Variants in PGAP1 observed in about 807,000 individuals in gnomAD.
The protein encoded by PGAP1 is GPI inositol-deacylase.
In PGAP1, 76 loss-of-function variants were observed where a neutral mutation model predicts 127.0. The ratio of observed to expected loss-of-function variants is 0.60; its 90% CI spans 0.50 to 0.72. The LOEUF (loss-of-function observed/expected upper bound fraction) is 0.72, where lower values mean the gene tolerates loss of function less well. Among genes scored for constraint, PGAP1 ranks in the 30% least tolerant of loss-of-function variants. The pLI is 0.00. For missense variants in PGAP1, 982 were observed against 1,071.3 expected (o/e 0.92, Z 1.16); for synonymous variants, 362 against 366.5 (o/e 0.99, Z 0.14).
intron 26 of PGAP1, 50 bp downstream of exon 26, chr2:196,842,671 G>A: frequency 1.1e-6 from 1 of 933,818 alleles, no homozygotes; most frequent in Non-Finnish European, 1.6e-6. Context: ...TATAAAGGGG[G>A]AAAAAGGCCA....
intron 8 of PGAP1, among the ~76,000 whole-genome samples, chr2:196,892,798 T>A (rs1475148574): frequency 3.3e-5 from 5 of 152,088 alleles, no homozygotes; most frequent in Admixed American, 2.0e-4. Context: ...GAATGAAGAA[T>A]AACTGATAAT....
chr2:196,905,086 TA>T (rs1425730910), intron 4 of PGAP1, among the ~76,000 whole-genome samples: 1 of 152,202 alleles, frequency 6.6e-6, no homozygotes, highest in Admixed American at 6.5e-5. Flanking sequence ...TTCTTGACCC[TA>T]AGAATCACTT....
chr2:196,894,529 G>A (rs947434725), intron 7 of PGAP1, among the ~76,000 whole-genome samples: 5 of 152,186 alleles, frequency 3.3e-5, no homozygotes, highest in Admixed American at 6.5e-5. Context: ...TAGGCCGGGC[G>A]CAGTGGCTCA....
At chr2:196,887,845 CAAT>C (rs777975627) in intron 10 of PGAP1, among the ~76,000 whole-genome samples, 1 of 152,166 alleles carries the variant, frequency 6.6e-6, no homozygotes, top group Non-Finnish European at 1.5e-5. Context: ...CTTCCCAGAA[CAAT>C]AATGTGACAT....
In PGAP1 at chr2:196,872,434, A is replaced by C; in HGVS notation, c.1728+7T>G. On this transcript the variant is annotated splice_region_variant and intron_variant, in intron 18 of 26. Coordinates refer to ENST00000354764, the MANE Select transcript of PGAP1 (RefSeq NM_024989.4). ...AATCTTAAAAATTAATCAAACATAC[A>C]ACTTACCTCGTACCGACAGTCTGAT... is the stretch of plus-strand genomic sequence containing the variant. 6.4e-7 allele frequency: 1 copy of C among 1,568,908 alleles called. No homozygotes were observed.
At chr2:196,894,715 T>C (rs951133155) in intron 7 of PGAP1, among the ~76,000 whole-genome samples, 2 of 152,088 alleles carry the variant, frequency 1.3e-5, no homozygotes, top group Non-Finnish European at 2.9e-5. Flanking sequence ...GGCAGAAGAA[T>C]GGCATGAACC....
At chr2:196,858,334 A>G (rs377080388) in intron 20 of PGAP1, among the ~76,000 whole-genome samples, 4 of 152,010 alleles carry the variant, frequency 2.6e-5, no homozygotes, top group African/African-American at 9.7e-5. Context: ...CCAGGGAGAC[A>G]GAGCTTGCAG....
chr2:196,903,302 GC>G (rs1479937951), intron 4 of PGAP1, among the ~76,000 whole-genome samples: 2 of 151,254 alleles, frequency 1.3e-5, no homozygotes, highest in East Asian at 3.9e-4. Context: ...CAGTATCCCA[GC>G]TTAAAAAGGC....
intron 2 of PGAP1, among the ~76,000 whole-genome samples, 155 bp downstream of exon 2, chr2:196,919,842 A>G (rs1271751540): frequency 6.6e-6 from 1 of 152,180 alleles, no homozygotes; most frequent in Non-Finnish European, 1.5e-5. Context: ...TCTCTCAGAG[A>G]AAATATTATA....
intron 23 of PGAP1, among the ~76,000 whole-genome samples, chr2:196,845,198 A>C (rs865904049): frequency 6.6e-6 from 1 of 151,946 alleles, no homozygotes; most frequent in East Asian, 1.9e-4. Context: ...GAAGCATATA[A>C]ATTTCCTTTG....
intron 10 of PGAP1, among the ~76,000 whole-genome samples, chr2:196,889,090 A>G (rs1576159877): frequency 6.6e-6 from 1 of 152,336 alleles, no homozygotes; most frequent in East Asian, 1.9e-4. Context: ...ATTAATACCC[A>G]TGAACATTAA....
intron 1 of PGAP1, among the ~76,000 whole-genome samples, chr2:196,925,819 C>T (rs928273809): frequency 1.2e-4 from 19 of 152,116 alleles, no homozygotes; most frequent in Non-Finnish European, 5.9e-5. Context: ...GGCCCCTTAA[C>T]CTGCAAAATA....
In PGAP1 at chr2:196,840,645, C is replaced by G. The variant is rs1700382964; in HGVS notation, c.*589G>C. On this transcript the variant is annotated 3_prime_UTR_variant, in exon 27 of 27. Transcript: ENST00000354764. ...TGCATTGGTTACCAAGAAAACATAT[C>G]TCCTTACCATTCAAAGCTCTATTTT... 6.6e-6 allele frequency: 1 copy of G among 152,008 alleles called. No homozygotes were observed. The highest frequency in any genetic ancestry group is 2.4e-5 in the African/African-American group (1 of 41,378). The allele number at this position is 152,008 out of a possible 1,614,324, so 9.4% of individuals were successfully genotyped here.
chr2:196,855,365 C>T (rs1029433814), intron 20 of PGAP1, among the ~76,000 whole-genome samples: 1 of 150,988 alleles, frequency 6.6e-6, no homozygotes, highest in African/African-American at 2.4e-5. Flanking sequence ...ATATCTCAGC[C>T]TCCCAAAGCA....
At chr2:196,856,608 A>G (rs1700890933) in intron 20 of PGAP1, among the ~76,000 whole-genome samples, 1 of 152,188 alleles carries the variant, frequency 6.6e-6, no homozygotes, top group Admixed American at 6.5e-5. Flanking sequence ...TGTTTGATGT[A>G]TGGGCCACAT....
intron 8 of PGAP1, 73 bp from the exon 9 acceptor site, chr2:196,892,474 C>A: frequency 1.5e-6 from 1 of 678,094 alleles, no homozygotes; most frequent in Non-Finnish European, 2.6e-6. Flanking sequence ...TTCTTTGAAT[C>A]CTGGTGAAAT....
intron 4 of PGAP1, among the ~76,000 whole-genome samples, chr2:196,911,474 G>C (rs1377061907): frequency 1.1e-5 from 1 of 87,266 alleles, no homozygotes; most frequent in Non-Finnish European, 2.3e-5. Context: ...GGGGAGGGGG[G>C]AGGGATAGCA....
intron 20 of PGAP1, among the ~76,000 whole-genome samples, chr2:196,855,325 C>CAA (rs112534782): frequency 0.11 from 7,420 of 67,008 alleles, 439 homozygotes; most frequent in African/African-American, 0.17. Context: ...ACTCTGTCAC[C>CAA]AAAAAAAAAA....
intron 14 of PGAP1, chr2:196,873,984 G>T: frequency 2.6e-6 from 1 of 390,858 alleles, no homozygotes; most frequent in South Asian, 5.2e-5. Context: ...AAAAAGTCAG[G>T]TATATAATTC....
Sources: gnomAD v4.1 joint callset for allele counts (sites outside exome capture counted in the v4.1 genomes callset) on GRCh38, gnomAD v4.1.1 for gene constraint, MANE v1.5 for transcripts, NCBI Gene and HGNC (gene_info 2026-07-23, HGNC 2026-07-21) for gene names.